ZDBF2: variants seen among roughly 807,000 people sequenced by gnomAD.
The protein encoded by ZDBF2 is zinc finger DBF-type containing 2, also known as DBF4-type zinc finger-containing protein 2.
A neutral mutation model predicts 9.4 loss-of-function variants in ZDBF2; 6 were observed. The observed-to-expected ratio is 0.64, with a 90% confidence interval of 0.35 to 1.27. The LOEUF (loss-of-function observed/expected upper bound fraction) is 1.27, where lower values mean the gene tolerates loss of function less well. Among genes scored for constraint, ZDBF2 ranks in the 50% most tolerant of loss-of-function variants. The pLI, the probability that ZDBF2 is intolerant of heterozygous loss-of-function variation, is 0.03. For missense variants in ZDBF2, 2,697 were observed against 2,766.8 expected, an observed-to-expected ratio of 0.97 and a Z score of 0.57; for synonymous variants, 905 against 946.3, an observed-to-expected ratio of 0.96 and a Z score of 0.80.
At position 206,305,895 on chromosome 2, in the gene ZDBF2, A is replaced by T; in HGVS notation, c.1367A>T (p.Asp456Val). Residue 456 changes from aspartate to valine, a missense_variant, in exon 5 of 5, where the codon GAC becomes GTC. By Grantham distance (152) the Asp-to-Val change is radical. Around this residue, in one of 3 missense-constraint regions of ZDBF2, gnomAD observed 910 missense variants for 973.6 expected, o/e 0.93. Transcript: ENST00000374423. ...YVSKISSDCD[D>V]ILHLVTNQSQ... ...TCTAAAATAAGTTCTGATTGTGATG[A>T]CATTCTTCACTTGGTTACCAACCAA... is the stretch of plus-strand genomic sequence containing the variant. 1 of 1,613,326 alleles carries T rather than the reference A, an allele frequency of 6.2e-7. No individual in the cohort carries two copies. Among genetic ancestry groups the T allele is most frequent in the Non-Finnish European group, 8.5e-7 (1 of 1,179,628 alleles).
At chr2:206,284,534 C>A (rs1691499845) in intron 3 of ZDBF2, among the ~76,000 whole-genome samples, 1 of 152,126 alleles carries the variant, frequency 6.6e-6, no homozygotes, top group Non-Finnish European at 1.5e-5. Flanking sequence ...GACTTTAGAA[C>A]AACTAGAACA....
chr2:206,304,747 T>G lies in ZDBF2; in HGVS notation c.219T>G (p.Thr73=), dbSNP rs775118667. Residue 73 remains threonine (T), a synonymous_variant, in exon 5 of 5, where the codon ACT becomes ACG. Coordinates refer to ENST00000374423, the MANE Select transcript of ZDBF2 (RefSeq NM_020923.3). ...CACAAGATGAGACACATGTGAATAC[T>G]GGGTCATCGTCTGAAGTGGTGCATT... is the stretch of plus-strand genomic sequence containing the variant. The part of the protein sequence containing the change: ...SSTQDETHVN[T]GSSSEVVHLD... The G allele has an allele frequency of 6.2e-7, 1 of 1,612,810 alleles. No homozygotes were observed. Among genetic ancestry groups the G allele is most frequent in the African/African-American group, 1.3e-5 (1 of 75,006 alleles).
At chr2:206,278,447 T>G (rs1204989408) in intron 1 of ZDBF2, among the ~76,000 whole-genome samples, 2 of 152,114 alleles carry the variant, frequency 1.3e-5, no homozygotes, top group Non-Finnish European at 2.9e-5. Context: ...TCCAGAATTT[T>G]CTTAAAGCAC....
intron 3 of ZDBF2, chr2:206,292,080 C>T (rs1337446083): frequency 2.5e-6 from 1 of 398,106 alleles, no homozygotes; most frequent in Non-Finnish European, 4.4e-6. Context: ...CCGATGGAAG[C>T]TCAGAGATAC....
chr2:206,293,613 A>G (rs987813770), intron 3 of ZDBF2, among the ~76,000 whole-genome samples: 12 of 151,822 alleles, frequency 7.9e-5, no homozygotes, highest in Admixed American at 5.9e-4. Flanking sequence ...TGAAAAACAG[A>G]GAGACTTGAA....
At position 206,310,061 on chromosome 2, in the gene ZDBF2, G is replaced by C; in HGVS notation, c.5533G>C (p.Ala1845Pro). 1 of 1,613,816 alleles carries C rather than the reference G, an allele frequency of 6.2e-7. No homozygotes were observed. Among genetic ancestry groups the C allele is most frequent in the Non-Finnish European group, 8.5e-7 (1 of 1,179,874 alleles). The change falls in exon 5 of 5, where the codon GCT becomes CCT. Residue 1845 changes from alanine to proline, a missense_variant. By Grantham distance (27) the Ala-to-Pro change is conservative. Around this residue, in one of 3 missense-constraint regions of ZDBF2, gnomAD observed 1,783 missense variants for 1,776.5 expected, o/e 1.00. Coordinates refer to ENST00000374423, the MANE Select transcript of ZDBF2 (RefSeq NM_020923.3). Reference protein sequence around the residue: ...IMREDDIKINALVKEFREGRF... With the variant: ...IMREDDIKINPLVKEFREGRF... Reference sequence around the variant, plus strand: ...GAGAGAAGATGACATAAAAATTAATGCTCTGGTGAAGGAGTTTAGGGAAGG... The same window carrying C: ...GAGAGAAGATGACATAAAAATTAATCCTCTGGTGAAGGAGTTTAGGGAAGG...
chr2:206,299,052 T>G (rs1287610198), intron 4 of ZDBF2, among the ~76,000 whole-genome samples: 2 of 151,758 alleles, frequency 1.3e-5, no homozygotes, highest in Admixed American at 6.6e-5. Context: ...GGCTAATTTT[T>G]GTATTTTTAG....
chr2:206,308,017 T>G lies in ZDBF2; in HGVS notation c.3489T>G (p.Asp1163Glu). Residue 1163 changes from aspartate (D) to glutamate (E), a missense_variant, in exon 5 of 5, where the codon GAT becomes GAG. This residue lies in a region of ZDBF2 where 1,783 missense variants were observed against 1,776.5 expected (regional missense o/e 1.00). Coordinates refer to ENST00000374423, the MANE Select transcript of ZDBF2 (RefSeq NM_020923.3). ...ATAGTTGTTCAGAAATGAATTTGGATTCTGGTTTCTTGGGTCAGTCAATAG... is the reference window on the plus strand; with the variant it reads ...ATAGTTGTTCAGAAATGAATTTGGAGTCTGGTTTCTTGGGTCAGTCAATAG... ...SQYSCSEMNL[D>E]SGFLGQSIVN... 6.2e-7 allele frequency: 1 copy of G among 1,613,896 alleles called. No individual in the cohort carries two copies. Among genetic ancestry groups the G allele is most frequent in the Non-Finnish European group, 8.5e-7 (1 of 1,179,824 alleles).
intron 3 of ZDBF2, among the ~76,000 whole-genome samples, chr2:206,284,094 AG>A (rs770037042): frequency 5.9e-5 from 9 of 152,138 alleles, no homozygotes; most frequent in Non-Finnish European, 1.2e-4. Context: ...TTTTCTTCTA[AG>A]AGTTTTACAG....
chr2:206,308,094 G>A lies in ZDBF2; in HGVS notation c.3566G>A (p.Gly1189Asp). ...GAGCAGGAGCACATTGAACTAGAAG[G>A]TAAGCACAATCAATGTTGTGGTTCT... ...ILEQEHIELEGKHNQCCGSEV... is the reference protein window; with the variant it reads ...ILEQEHIELEDKHNQCCGSEV... Residue 1189 changes from glycine (G) to aspartate (D), a missense_variant, in exon 5 of 5, where the codon GGT becomes GAT. By Grantham distance (94) the Gly-to-Asp change is moderately conservative (BLOSUM62 -1). Around this residue, in one of 3 missense-constraint regions of ZDBF2, gnomAD observed 1,783 missense variants for 1,776.5 expected, o/e 1.00. Transcript: ENST00000374423. 6.2e-7 allele frequency: 1 copy of A among 1,613,954 alleles called. No homozygotes were observed. The highest frequency in any genetic ancestry group is 8.5e-7 in the Non-Finnish European group (1 of 1,179,832).
intron 3 of ZDBF2, among the ~76,000 whole-genome samples, chr2:206,289,504 G>GT (rs563375978): frequency 3.4e-4 from 51 of 152,234 alleles, no homozygotes; most frequent in African/African-American, 1.1e-3. Flanking sequence ...ATGAGGAAGG[G>GT]TTTAACCACT....
In ZDBF2 at chr2:206,305,021, G is replaced by C; in HGVS notation, c.493G>C (p.Val165Leu). ...GGCCAGTGTGAGAAAATGTAACCTA[G>C]TAGATATTGGTCAGGCTACAAATAA... ...IGASVRKCNL[V>L]DIGQATNNRS... is the part of the protein sequence containing the mutation. The change falls in exon 5 of 5, where the codon GTA becomes CTA. Residue 165 changes from valine (V) to leucine (L), a missense_variant. This residue lies in a region of ZDBF2 where 910 missense variants were observed against 973.6 expected (regional missense o/e 0.93). Transcript: ENST00000374423. 6.2e-7 allele frequency: 1 copy of C among 1,613,694 alleles called. No individual in the cohort carries two copies. Among genetic ancestry groups the C allele is most frequent in the South Asian group, 1.1e-5 (1 of 91,062 alleles).
In ZDBF2 at chr2:206,309,433, C is replaced by T. The variant is rs760325884; in HGVS notation, c.4905C>T (p.Ser1635=). Residue 1635 remains serine, a synonymous_variant, in exon 5 of 5, where the codon TCC becomes TCT. Coordinates refer to ENST00000374423, the MANE Select transcript of ZDBF2 (RefSeq NM_020923.3). ...TTAATGTTGATGCCTCTGATCAGTCCATGACTTACGAGTCACAAGGACCTG... is the reference window on the plus strand; with the variant it reads ...TTAATGTTGATGCCTCTGATCAGTCTATGACTTACGAGTCACAAGGACCTG... The part of the protein sequence containing the change: ...MNFNVDASDQ[S]MTYESQGPDE... 2 of 1,613,722 alleles carry T rather than the reference C, an allele frequency of 1.2e-6. No individual in the cohort carries two copies. The highest frequency in any genetic ancestry group is 1.7e-6 in the Non-Finnish European group (2 of 1,179,832).
intron 3 of ZDBF2, among the ~76,000 whole-genome samples, chr2:206,290,170 A>G (rs1415582628): frequency 1.3e-5 from 2 of 152,194 alleles, no homozygotes; most frequent in African/African-American, 4.8e-5. Context: ...CATAAATATA[A>G]GGTTTACTTC....
chr2:206,310,210 A>G lies in ZDBF2; in HGVS notation c.5682A>G (p.Ser1894=). Residue 1894 remains serine (S), a synonymous_variant, in exon 5 of 5, where the codon TCA becomes TCG. Coordinates refer to ENST00000374423, the MANE Select transcript of ZDBF2 (RefSeq NM_020923.3). ...ACACTGCACCAACTCAAGCTGTGTC[A>G]GAGAGTGATGATATTGTCTGTGGTA... ...KEDTAPTQAV[S]ESDDIVCGIS... The G allele has an allele frequency of 6.2e-7, 1 of 1,613,962 alleles. No individual in the cohort carries two copies. The highest frequency in any genetic ancestry group is 8.5e-7 in the Non-Finnish European group (1 of 1,179,882).
chr2:206,305,093 A>G lies in ZDBF2; in HGVS notation c.565A>G (p.Ser189Gly), dbSNP rs1275817182. ...CCCAGTGATTTGTAATGCTCCTGCT[A>G]GTTGTTTACCTGAAAGCTCTAACGA... ...RPPVICNAPA[S>G]CLPESSNDRP... Residue 189 changes from serine (S) to glycine (G), a missense_variant, in exon 5 of 5, where the codon AGT becomes GGT. Around this residue, in one of 3 missense-constraint regions of ZDBF2, gnomAD observed 910 missense variants for 973.6 expected, o/e 0.93. Coordinates refer to ENST00000374423, the MANE Select transcript of ZDBF2 (RefSeq NM_020923.3). The G allele has an allele frequency of 6.2e-7, 1 of 1,613,808 alleles. No individual in the cohort carries two copies. The highest frequency in any genetic ancestry group is 1.1e-5 in the South Asian group (1 of 91,060).
At chr2:206,303,435 G>A (rs1692605652) in intron 4 of ZDBF2, among the ~76,000 whole-genome samples, 1 of 151,950 alleles carries the variant, frequency 6.6e-6, no homozygotes, top group Admixed American at 6.6e-5. Flanking sequence ...ATGAATGTTT[G>A]CCCGACTTTA....
chr2:206,282,890 C>G (rs1193077532), intron 3 of ZDBF2, among the ~76,000 whole-genome samples: 2 of 152,204 alleles, frequency 1.3e-5, no homozygotes, highest in Non-Finnish European at 2.9e-5. Context: ...TCACCAGCCC[C>G]TGGCAACCGC....
In ZDBF2 at chr2:206,305,398, A is replaced by G. The variant is rs373815481; in HGVS notation, c.870A>G (p.Glu290=). The G allele has an allele frequency of 6.7e-5, 108 of 1,613,372 alleles. No individual in the cohort carries two copies. Among genetic ancestry groups the G allele is most frequent in the Non-Finnish European group, 8.8e-5 (104 of 1,179,678 alleles). The part of the protein sequence containing the change: ...KTLSAGLKFH[E]RMGTKGSLRV... Reference sequence around the variant, plus strand: ...TATCAGCTGGCTTGAAATTCCATGAACGCATGGGTACTAAGGGCTCCTTAA... The same window carrying G: ...TATCAGCTGGCTTGAAATTCCATGAGCGCATGGGTACTAAGGGCTCCTTAA... Residue 290 remains glutamate, a synonymous_variant, in exon 5 of 5, where the codon GAA becomes GAG. Transcript: ENST00000374423.
Sources: allele counts gnomAD v4.1 joint callset (sites outside exome capture counted in the v4.1 genomes callset), GRCh38; gene constraint gnomAD v4.1.1; regional missense constraint gnomAD v4.1.1; transcripts MANE v1.5; gene names NCBI Gene and HGNC (gene_info 2026-07-23, HGNC 2026-07-21).